NDUFS1: variants seen among roughly 807,000 people sequenced by gnomAD.
NDUFS1 encodes the protein NADH-ubiquinone oxidoreductase 75 kDa subunit, mitochondrial.
A neutral mutation model predicts 84.4 loss-of-function variants in NDUFS1; 61 were observed. That is an observed-to-expected ratio of 0.72 (90% confidence interval 0.59 to 0.89). The LOEUF (loss-of-function observed/expected upper bound fraction) is 0.89. Among genes scored for constraint, NDUFS1 ranks in the 40% least tolerant of loss-of-function variants. The pLI, the probability that NDUFS1 is intolerant of heterozygous loss-of-function variation, is 0.00. For missense variants in NDUFS1, 891 were observed against 890.0 expected (o/e 1.00, Z -0.01); for synonymous variants, 275 against 290.0 (o/e 0.95, Z 0.53).
chr2:206,158,432 T>G (rs1361225015), intron 1 of NDUFS1, among the ~76,000 whole-genome samples: 1 of 152,222 alleles, frequency 6.6e-6, no homozygotes. Context: ...ATCTAACATT[T>G]ACGATTCCCC....
intron 1 of NDUFS1, among the ~76,000 whole-genome samples, chr2:206,157,295 A>G (rs1229518943): frequency 2.0e-5 from 3 of 152,180 alleles, no homozygotes; most frequent in African/African-American, 4.8e-5. Flanking sequence ...CTTTTTCTTT[A>G]GTACCAGTAC....
intron 18 of NDUFS1, among the ~76,000 whole-genome samples, chr2:206,126,244 C>T (rs1691286539): frequency 3.3e-5 from 5 of 152,256 alleles, no homozygotes; most frequent in South Asian, 2.1e-4. Flanking sequence ...CAGTTATTTG[C>T]CACTTTGGAA....
intron 12 of NDUFS1, among the ~76,000 whole-genome samples, chr2:206,141,100 G>A (rs544799106): frequency 6.6e-5 from 10 of 152,010 alleles, no homozygotes; most frequent in Non-Finnish European, 1.3e-4. Flanking sequence ...GACTCGCAAG[G>A]AGAGGAGAAA....
In NDUFS1 at chr2:206,141,723, T is replaced by G. The variant is rs544982487; in HGVS notation, c.1262+218A>C. Among the ~76,000 whole-genome samples, 72 of 147,388 alleles carry G rather than the reference T, an allele frequency of 4.9e-4. No individual in the cohort carries two copies. In the East Asian group the frequency reaches 0.014, roughly 29 times the overall value. ...CTGGCTAACATGGTGAAACCCCATC[T>G]CGAGGCGGAGCTTGCAGAGCCGAGA... is the stretch of plus-strand genomic sequence containing the variant. On this transcript the variant is annotated intron_variant, in intron 12 of 18. Transcript: ENST00000233190.
chr2:206,141,674 C>T (rs1218285319), intron 12 of NDUFS1, among the ~76,000 whole-genome samples: 1 of 149,130 alleles, frequency 6.7e-6, no homozygotes, highest in Admixed American at 6.7e-5. Context: ...GGGCGGATCA[C>T]GAGGTCAGGA....
Position 206,142,810 on chromosome 2 carries a change from C to T in NDUFS1, c.1009G>A (p.Asp337Asn). Reference protein sequence around the residue: ...AGMLQSFQGKDVAAIAGGLVD... With the variant: ...AGMLQSFQGKNVAAIAGGLVD... ...AAGCCACCTGCAATTGCTGCCACAT[C>T]TTTGCCTTGAAAACTCTGCAACTAG... The change falls in exon 11 of 19, where the codon GAT becomes AAT. Residue 337 changes from aspartate (D) to asparagine (N), a missense_variant. Transcript: ENST00000233190. The T allele has an allele frequency of 6.2e-7, 1 of 1,614,214 alleles. No homozygotes were observed. The highest frequency in any genetic ancestry group is 8.5e-7 in the Non-Finnish European group (1 of 1,180,038).
chr2:206,146,157 T>C (rs1001487844), intron 8 of NDUFS1, among the ~76,000 whole-genome samples: 3 of 152,208 alleles, frequency 2.0e-5, no homozygotes, highest in African/African-American at 7.2e-5. Context: ...CAATTATACC[T>C]GACTACTAAA....
chr2:206,154,713 G>A (rs879010245), intron 1 of NDUFS1, among the ~76,000 whole-genome samples: 3 of 151,396 alleles, frequency 2.0e-5, no homozygotes, highest in Non-Finnish European at 4.4e-5. Flanking sequence ...AACCTCCACC[G>A]CCCGGATTAA....
In NDUFS1 at chr2:206,143,998, C is replaced by G. The variant is rs768814372; in HGVS notation, c.987+20G>C. Reference sequence around the variant, plus strand: ...TGATAATCACAAACACTATTTAACACTATTTATTTCAAATTTTACCATTCC... The same window carrying G: ...TGATAATCACAAACACTATTTAACAGTATTTATTTCAAATTTTACCATTCC... On this transcript the variant is annotated intron_variant, in intron 10 of 18. Transcript: ENST00000233190. 5.2e-6 allele frequency: 8 copies of G among 1,551,700 alleles called. No individual in the cohort carries two copies. The highest frequency in any genetic ancestry group is 1.7e-5 in the Admixed American group (1 of 59,898).
chr2:206,141,240 C>T (rs1385690328), intron 12 of NDUFS1, among the ~76,000 whole-genome samples: 4 of 151,986 alleles, frequency 2.6e-5, no homozygotes, highest in African/African-American at 9.7e-5. Context: ...CATGGCAAGG[C>T]TCCATCTCTA....
intron 13 of NDUFS1, among the ~76,000 whole-genome samples, chr2:206,138,257 T>C (rs1691797939): frequency 6.6e-6 from 1 of 152,116 alleles, no homozygotes; most frequent in Admixed American, 6.6e-5. Context: ...TTGGTTTGTA[T>C]TTTAGTAGAG....
At chr2:206,159,189 G>A (rs928079592) in intron 1 of NDUFS1, 152 bp downstream of exon 1, 4 of 1,522,122 alleles carry the variant, frequency 2.6e-6, no homozygotes, top group Non-Finnish European at 3.5e-6. Context: ...CCATCTGCCG[G>A]CTCTCAGGGG....
chr2:206,131,809 C>T (rs1012128116), intron 14 of NDUFS1, among the ~76,000 whole-genome samples: 7 of 151,996 alleles, frequency 4.6e-5, no homozygotes, highest in Non-Finnish European at 7.4e-5. Flanking sequence ...CATAGTGGCA[C>T]GCGCCTGTAG....
chr2:206,130,836 A>T (rs750361738), intron 14 of NDUFS1, among the ~76,000 whole-genome samples: 5 of 152,198 alleles, frequency 3.3e-5, no homozygotes, highest in Non-Finnish European at 5.9e-5. Context: ...TTTAAGTCTG[A>T]TTCTTATTCA....
intron 13 of NDUFS1, among the ~76,000 whole-genome samples, chr2:206,137,499 T>TCA (rs1237528161): frequency 1.3e-5 from 2 of 150,530 alleles, no homozygotes; most frequent in African/African-American, 4.9e-5. Context: ...AAAAAGATAA[T>TCA]CAGGACAGGG....
At position 206,116,430 on chromosome 2, in the gene NDUFS1, GC is replaced by G. The variant is rs71410864; in HGVS notation, c.*7754del. 0.4 allele frequency: 336,141 copies of G among 850,284 alleles called. 68,626 individuals are homozygous for G. The highest frequency in any genetic ancestry group is 0.49 in the Middle Eastern group (1,630 of 3,304). 52.7% of individuals were successfully genotyped at this position (850,284 alleles called of 1,614,324 possible). A position where few individuals can be genotyped will look rare whatever the true frequency, so the allele number is the denominator to read the frequency against. ...CTGCCAGGGCCTCGATAGGCAGGGC[GC>G]GGCAGGTGCCAGGACCACGTGCAGG... is the stretch of plus-strand genomic sequence containing the variant. On this transcript the variant is annotated 3_prime_UTR_variant, in exon 19 of 19. Coordinates refer to ENST00000233190, the MANE Select transcript of NDUFS1 (RefSeq NM_005006.7).
chr2:206,159,040 T>C (rs1687798768), intron 1 of NDUFS1: 4 of 1,528,222 alleles, frequency 2.6e-6, no homozygotes, highest in East Asian at 4.9e-5. Context: ...CCTCCTCCTC[T>C]GAGAGGGAAA....
At position 206,149,869 on chromosome 2, in the gene NDUFS1, A is replaced by G. The variant is rs991098625; in HGVS notation, c.210T>C (p.Ser70=). Residue 70 remains serine (S), a synonymous_variant, in exon 4 of 19, where the codon TCT becomes TCC. Transcript: ENST00000233190. ...IPRFCYHERL[S]VAGNCRMCLV... ...GGCACATCCTGCAGTTTCCAGCAAC[A>G]GACAACCTTTCATGATAACAGAATC... 5.0e-6 allele frequency: 8 copies of G among 1,613,044 alleles called. No individual in the cohort carries two copies. Among genetic ancestry groups the G allele is most frequent in the Non-Finnish European group, 6.8e-6 (8 of 1,179,796 alleles).
Position 206,120,194 on chromosome 2 carries a change from ATC to A in NDUFS1, c.*3989_*3990del, listed in dbSNP as rs1032801504. On this transcript the variant is annotated 3_prime_UTR_variant, in exon 19 of 19. Transcript: ENST00000233190. ...CCTGCAGAAACTGTAAGCCAATTAA[ATC>A]TCTCTTTTGCAAGAATTACCCAATC... 2.6e-5 allele frequency: 4 copies of A among 152,216 alleles called. No individual in the cohort carries two copies. The highest frequency in any genetic ancestry group is 5.9e-5 in the Non-Finnish European group (4 of 68,074). 9.4% of individuals were successfully genotyped at this position (152,216 alleles called of 1,614,324 possible).
Sources: allele counts gnomAD v4.1 joint callset (sites outside exome capture counted in the v4.1 genomes callset), GRCh38; gene constraint gnomAD v4.1.1; transcripts MANE v1.5; gene names NCBI Gene and HGNC (gene_info 2026-07-23, HGNC 2026-07-21).